Variants in MAST2 observed in about 807,000 individuals in gnomAD.
The protein encoded by MAST2 is microtubule associated serine/threonine kinase 2.
Under a neutral mutation model 147.4 loss-of-function variants are expected in MAST2, and 70 were observed. That is an observed-to-expected ratio of 0.47 (90% CI 0.39 to 0.58). The LOEUF (loss-of-function observed/expected upper bound fraction) is 0.58, where lower values mean the gene tolerates loss of function less well. MAST2 is among the 20% of genes least tolerant of loss of function. MAST2 has a pLI of 0.00. For missense variants in MAST2, 2,080 were observed against 2,302.3 expected, an observed-to-expected ratio of 0.90 and a Z score of 1.98; for synonymous variants, 869 against 896.8, an observed-to-expected ratio of 0.97 and a Z score of 0.55.
At position 46,023,394 on chromosome 1, in the gene MAST2, C is replaced by A; in HGVS notation, c.1571+76C>A. On this transcript the variant is annotated intron_variant, in intron 14 of 28. Transcript: ENST00000361297. This position sits in a 1 kb window ranked among gnomAD's most constrained non-coding sequence, Gnocchi z 4.9. Reference sequence around the variant, plus strand: ...GATCTCTTCCATGTGAGAGTGTATGCTGCCCAGTCCTCTGGGCAGATGCCT... The same window carrying A: ...GATCTCTTCCATGTGAGAGTGTATGATGCCCAGTCCTCTGGGCAGATGCCT... 7.4e-7 allele frequency: 1 copy of A among 1,357,476 alleles called. No individual in the cohort carries two copies. Among genetic ancestry groups the A allele is most frequent in the Non-Finnish European group, 1.1e-6 (1 of 948,616 alleles). 84.1% of individuals were successfully genotyped at this position (1,357,476 alleles called of 1,614,324 possible).
chr1:45,923,845 CATTACCTTT>C (rs1653926457), intron 4 of MAST2, among the ~76,000 whole-genome samples: 1 of 152,118 alleles, frequency 6.6e-6, no homozygotes, highest in Non-Finnish European at 1.5e-5. Context: ...ACTTCTAGGT[CATTACCTTT>C]ATTACCTTCT....
chr1:45,904,478 A>G (rs1650320877), intron 4 of MAST2, among the ~76,000 whole-genome samples: 1 of 146,822 alleles, frequency 6.8e-6, no homozygotes, highest in Non-Finnish European at 1.5e-5. Context: ...CCGGCCTTAA[A>G]TTTTTTTTAG....
At chr1:46,004,502 C>A (rs59768249) in intron 7 of MAST2, among the ~76,000 whole-genome samples, 1 of 151,998 alleles carries the variant, frequency 6.6e-6, no homozygotes, top group Non-Finnish European at 1.5e-5. Flanking sequence ...TTTAAAATAC[C>A]AGTTTTGCCC....
intron 10 of MAST2, among the ~76,000 whole-genome samples, chr1:46,017,036 C>G (rs1171323856): frequency 6.6e-6 from 1 of 152,042 alleles, no homozygotes; most frequent in Non-Finnish European, 1.5e-5. Flanking sequence ...CTACAACTAT[C>G]TGATCTTTGA....
intron 8 of MAST2, 50 bp downstream of exon 8, chr1:46,006,445 T>C: frequency 6.3e-7 from 1 of 1,578,518 alleles, no homozygotes; most frequent in Non-Finnish European, 8.6e-7. Flanking sequence ...TTTCAGCTTG[T>C]TTGCATAACA....
chr1:46,008,168 G>C (rs750417072), intron 8 of MAST2, 128 bp from the exon 9 acceptor site: 1 of 658,666 alleles, frequency 1.5e-6, no homozygotes, highest in Non-Finnish European at 2.8e-6. Flanking sequence ...CTAGAACTCA[G>C]TACCCGTTAA....
chr1:46,011,951 A>G (rs1391958532), intron 10 of MAST2, among the ~76,000 whole-genome samples: 1 of 152,266 alleles, frequency 6.6e-6, no homozygotes, highest in Non-Finnish European at 1.5e-5. Context: ...CCTGAAAGAC[A>G]TAATTAGTCC....
intron 4 of MAST2, among the ~76,000 whole-genome samples, chr1:45,936,772 A>G (rs896169377): frequency 6.6e-6 from 1 of 152,102 alleles, no homozygotes; most frequent in Non-Finnish European, 1.5e-5. Context: ...GGCCACCATC[A>G]TCATCATCAT....
Position 45,954,054 on chromosome 1 carries a change from C to T in MAST2, c.501-5332C>T, listed in dbSNP as rs531102025. Among the ~76,000 whole-genome samples, 4 of 152,250 alleles carry T rather than the reference C, an allele frequency of 2.6e-5. No individual in the cohort carries two copies. The South Asian group carries it at 8.3e-4, about 32-fold the overall frequency. ...TTCTTCTTTATATTGTTTACACTTA[C>T]TGAAACAGAAGTGATCTTTTCCTCA... is the stretch of plus-strand genomic sequence containing the variant. On this transcript the variant is annotated intron_variant, in intron 4 of 28. Coordinates refer to ENST00000361297, the MANE Select transcript of MAST2 (RefSeq NM_015112.3).
chr1:45,975,838 A>G (rs1371450695), intron 5 of MAST2, among the ~76,000 whole-genome samples: 2 of 152,020 alleles, frequency 1.3e-5, no homozygotes, highest in African/African-American at 4.8e-5. Flanking sequence ...ACTCTTTTTT[A>G]CCTAAGATCC....
chr1:46,003,116 C>A (rs771789322), intron 7 of MAST2, among the ~76,000 whole-genome samples: 2 of 152,158 alleles, frequency 1.3e-5, no homozygotes, highest in Non-Finnish European at 2.9e-5. Context: ...TCAGTTACTT[C>A]TAGTGGAGGC....
chr1:45,903,455 C>G (rs917591547), intron 4 of MAST2, among the ~76,000 whole-genome samples: 1 of 152,138 alleles, frequency 6.6e-6, no homozygotes, highest in African/African-American at 2.4e-5. Context: ...AGTCTAAACA[C>G]TGCTTTTGTT....
chr1:45,892,605 C>G (rs941497915), intron 4 of MAST2, among the ~76,000 whole-genome samples: 2 of 152,132 alleles, frequency 1.3e-5, no homozygotes, highest in East Asian at 3.9e-4. Flanking sequence ...GGAAGCCTGT[C>G]TATTCTTTGA....
chr1:45,878,596 T>G (rs949577620), intron 3 of MAST2, among the ~76,000 whole-genome samples: 2 of 152,148 alleles, frequency 1.3e-5, no homozygotes, highest in South Asian at 4.1e-4. Context: ...ATTGTTTATA[T>G]AGAAAAAATC....
At chr1:45,896,457 T>C (rs1648749612) in intron 4 of MAST2, among the ~76,000 whole-genome samples, 1 of 152,190 alleles carries the variant, frequency 6.6e-6, no homozygotes, top group South Asian at 2.1e-4. Flanking sequence ...GCCGTGTCAC[T>C]TCAATAACTT....
intron 9 of MAST2, 24 bp downstream of exon 9, chr1:46,008,395 G>A (rs1187349020): frequency 4.5e-6 from 7 of 1,557,200 alleles, no homozygotes; most frequent in East Asian, 2.2e-5. Flanking sequence ...TAAAAGGAGA[G>A]TGGCAATACC....
intron 4 of MAST2, among the ~76,000 whole-genome samples, chr1:45,935,181 G>A (rs1177368577): frequency 2.6e-5 from 4 of 152,106 alleles, no homozygotes; most frequent in Non-Finnish European, 4.4e-5. Context: ...CGTGTTTGTT[G>A]GCTGCTTGTG....
intron 4 of MAST2, among the ~76,000 whole-genome samples, chr1:45,910,087 G>A (rs1323000744): frequency 2.0e-5 from 3 of 149,432 alleles, no homozygotes; most frequent in Non-Finnish European, 3.0e-5. Context: ...GATAGTAATT[G>A]TGTAAGTACT....
At chr1:45,911,514 C>T (rs148203611) in intron 4 of MAST2, among the ~76,000 whole-genome samples, 3 of 152,012 alleles carry the variant, frequency 2.0e-5, no homozygotes, top group Non-Finnish European at 4.4e-5. Flanking sequence ...AAAGGTAAAG[C>T]GCAGTGATTT....
Sources: allele counts gnomAD v4.1 joint callset (sites outside exome capture counted in the v4.1 genomes callset), GRCh38; gene constraint gnomAD v4.1.1; non-coding constraint Gnocchi (gnomAD v3.1); transcripts MANE v1.5; gene names NCBI Gene and HGNC (gene_info 2026-07-23, HGNC 2026-07-21).